PLEKHG7: variants seen among roughly 807,000 people sequenced by gnomAD.
PLEKHG7 encodes the protein pleckstrin homology domain-containing family G member 7.
In PLEKHG7, 77 loss-of-function variants were observed where a neutral mutation model predicts 85.2. That is an observed-to-expected ratio of 0.90 (90% CI 0.75 to 1.09). PLEKHG7 has a LOEUF of 1.09. Ranked by LOEUF, PLEKHG7 falls within the 50% of genes least tolerant of loss-of-function variation. The pLI, the probability that PLEKHG7 is intolerant of heterozygous loss-of-function variation, is 0.00. For synonymous variants in PLEKHG7, 301 were observed against 302.4 expected (o/e 1.00, Z 0.05); for missense variants, 777 against 804.3 (o/e 0.97, Z 0.41).
chr12:92,706,483 G>C lies in PLEKHG7; in HGVS notation c.-149G>C. The stretch of plus-strand genomic sequence containing the variant: ...TTCCTCACTACAGATGCAATAACCT[G>C]CTTGACATTCTCCTCTGGAAAAGGA... On this transcript the variant is annotated 5_prime_UTR_variant, in exon 2 of 17. Transcript: ENST00000344636. 1 of 965,818 alleles carries C rather than the reference G, an allele frequency of 1.0e-6. No individual in the cohort carries two copies. Among genetic ancestry groups the C allele is most frequent in the South Asian group, 1.9e-5 (1 of 52,882 alleles). The allele number at this position is 965,818 out of a possible 1,614,324, so 59.8% of individuals were successfully genotyped here.
chr12:92,721,760 T>G (rs986060410), intron 3 of PLEKHG7, among the ~76,000 whole-genome samples: 1 of 151,562 alleles, frequency 6.6e-6, no homozygotes, highest in Non-Finnish European at 1.5e-5. Context: ...TTAGTTGTAT[T>G]TTTCTAAACA....
chr12:92,707,892 T>C (rs552465696), intron 3 of PLEKHG7: 11 of 660,000 alleles, frequency 1.7e-5, no homozygotes, highest in Non-Finnish European at 1.3e-5. Flanking sequence ...CAATGCCATA[T>C]GCAGTCATAG....
intron 3 of PLEKHG7, among the ~76,000 whole-genome samples, chr12:92,709,260 A>G (rs1276863504): frequency 6.6e-6 from 1 of 152,204 alleles, no homozygotes; most frequent in African/African-American, 2.4e-5. Flanking sequence ...GATATTTAGG[A>G]GATACAATCC....
chr12:92,760,067 A>C (rs889353674), intron 13 of PLEKHG7, among the ~76,000 whole-genome samples: 1 of 152,152 alleles, frequency 6.6e-6, no homozygotes, highest in African/African-American at 2.4e-5. Context: ...AGTGAGAAGG[A>C]GAGACAGAGA....
intron 3 of PLEKHG7, among the ~76,000 whole-genome samples, chr12:92,711,723 A>G (rs1300859331): frequency 6.6e-6 from 1 of 152,190 alleles, no homozygotes; most frequent in Non-Finnish European, 1.5e-5. Context: ...AAAGGCTCCA[A>G]ACAGCATCTC....
chr12:92,766,220 CT>C (rs1045488200), intron 15 of PLEKHG7, among the ~76,000 whole-genome samples: 1 of 152,172 alleles, frequency 6.6e-6, no homozygotes, highest in African/African-American at 2.4e-5. Context: ...GTTTAGTTTA[CT>C]TTTTCATGGG....
chr12:92,707,455 C>T (rs1871269745), intron 2 of PLEKHG7, 195 bp from the exon 3 acceptor site: 3 of 1,435,184 alleles, frequency 2.1e-6, no homozygotes, highest in African/African-American at 2.9e-5. Flanking sequence ...TGCAAATGCA[C>T]ACTATTTAAA....
intron 7 of PLEKHG7, among the ~76,000 whole-genome samples, chr12:92,738,105 G>A (rs554418348): frequency 7.2e-5 from 11 of 152,224 alleles, no homozygotes; most frequent in African/African-American, 2.6e-4. Context: ...CAGCTGCAGG[G>A]CCACCATTGC....
At chr12:92,767,071 G>T (rs1592691221) in intron 15 of PLEKHG7, among the ~76,000 whole-genome samples, 1 of 152,122 alleles carries the variant, frequency 6.6e-6, no homozygotes, top group African/African-American at 2.4e-5. Context: ...TATAAGCTCT[G>T]TGACCTTGGA....
At chr12:92,712,864 T>C (rs1002389210) in intron 3 of PLEKHG7, among the ~76,000 whole-genome samples, 1 of 152,214 alleles carries the variant, frequency 6.6e-6, no homozygotes, top group Admixed American at 6.5e-5. Flanking sequence ...GAGCTAAAAC[T>C]CCATTAATTA....
chr12:92,722,972 G>T (rs1044943519), intron 3 of PLEKHG7, among the ~76,000 whole-genome samples: 6 of 152,260 alleles, frequency 3.9e-5, no homozygotes, highest in Admixed American at 3.9e-4. Context: ...GGAAGAGAGA[G>T]AATTGTCCCT....
chr12:92,761,654 GAAAGAA>G lies in PLEKHG7; in HGVS notation c.1637-96_1637-91del, dbSNP rs1232538135. 40 of 1,198,306 alleles carry G rather than the reference GAAAGAA, an allele frequency of 3.3e-5. 1 individual carries two copies. In the African/African-American group the frequency reaches 6.3e-4, roughly 19 times the overall value. 74.2% of individuals were successfully genotyped at this position (1,198,306 alleles called of 1,614,324 possible). A position where few individuals can be genotyped will look rare whatever the true frequency, so the allele number is the denominator to read the frequency against. On this transcript the variant is annotated intron_variant, in intron 13 of 16. Coordinates refer to ENST00000344636, the MANE Select transcript of PLEKHG7 (RefSeq NM_001377329.1). Reference sequence around the variant, plus strand: ...AGAAAGAAAGAAAGAAAGAAAGAAAGAAAGAAAGAAAGAAAGAAAGAAAGAAAGAAA... The same window carrying G: ...AGAAAGAAAGAAAGAAAGAAAGAAAGAGAAAGAAAGAAAGAAAGAAAGAAA...
intron 4 of PLEKHG7, among the ~76,000 whole-genome samples, chr12:92,731,167 AC>A (rs1396643430): frequency 6.6e-6 from 1 of 152,156 alleles, no homozygotes; most frequent in African/African-American, 2.4e-5. Flanking sequence ...AGGATCAGGG[AC>A]CCCAATTATT....
chr12:92,720,343 TGAGATGGA>T (rs1871603769), intron 3 of PLEKHG7, among the ~76,000 whole-genome samples: 1 of 151,956 alleles, frequency 6.6e-6, no homozygotes. Flanking sequence ...TTCTTTTTTT[TGAGATGGA>T]GTCTCACCCT....
In PLEKHG7 at chr12:92,770,074, CT is replaced by C. The variant is rs58179966; in HGVS notation, c.1969-7del. 2.0e-5 allele frequency: 30 copies of C among 1,532,400 alleles called. No individual in the cohort carries two copies. In the African/African-American group the frequency reaches 2.7e-4, roughly 14 times the overall value. 94.9% of individuals were successfully genotyped at this position (1,532,400 alleles called of 1,614,324 possible). A position where few individuals can be genotyped will look rare whatever the true frequency, so the allele number is the denominator to read the frequency against. On this transcript the variant is annotated splice_polypyrimidine_tract_variant and intron_variant, in intron 16 of 16. Coordinates refer to ENST00000344636, the MANE Select transcript of PLEKHG7 (RefSeq NM_001377329.1). ...CTAATCTCTATTTATGTATTTTTTT[CT>C]TTTTTTCAACAGAAAACATGGATGG...
chr12:92,770,092 C>T lies in PLEKHG7; in HGVS notation c.1973C>T (p.Thr658Ile). 6.3e-7 allele frequency: 1 copy of T among 1,579,908 alleles called. No individual in the cohort carries two copies. The highest frequency in any genetic ancestry group is 2.3e-5 in the East Asian group (1 of 44,068). ...LQAQTENIKK[T>I]WMAQITTAIS... ...TTTTTTTCTTTTTTTCAACAGAAAACATGGATGGCACAAATAACAACTGCA... is the reference window on the plus strand; with the variant it reads ...TTTTTTTCTTTTTTTCAACAGAAAATATGGATGGCACAAATAACAACTGCA... The change falls in exon 17 of 17, where the codon ACA becomes ATA. Residue 658 changes from threonine to isoleucine, a missense_variant. Coordinates refer to ENST00000344636, the MANE Select transcript of PLEKHG7 (RefSeq NM_001377329.1).
chr12:92,723,033 T>C (rs972358385), intron 3 of PLEKHG7, among the ~76,000 whole-genome samples: 1 of 152,148 alleles, frequency 6.6e-6, no homozygotes, highest in Non-Finnish European at 1.5e-5. Context: ...TAAGCTAGAA[T>C]TTAAAGATGA....
intron 13 of PLEKHG7, among the ~76,000 whole-genome samples, chr12:92,757,394 G>T (rs1404359642): frequency 1.3e-5 from 2 of 152,140 alleles, no homozygotes; most frequent in Non-Finnish European, 2.9e-5. Context: ...GAAGTCCTGT[G>T]GGATGGGATG....
intron 3 of PLEKHG7, among the ~76,000 whole-genome samples, chr12:92,716,115 G>T (rs1342058709): frequency 6.8e-6 from 1 of 147,590 alleles, no homozygotes; most frequent in Non-Finnish European, 1.5e-5. Context: ...TGTTTTTTTT[G>T]AGACAGAGTC....
Sources: allele counts gnomAD v4.1 joint callset (sites outside exome capture counted in the v4.1 genomes callset), GRCh38; gene constraint gnomAD v4.1.1; transcripts MANE v1.5; gene names NCBI Gene and HGNC (gene_info 2026-07-23, HGNC 2026-07-21).